The following NECTIN3 variants were observed in gnomAD, a reference collection of about 807,000 sequenced individuals.
NECTIN3 encodes nectin cell adhesion molecule 3.
In NECTIN3, 8 loss-of-function variants were observed where a neutral mutation model predicts 49.4. The ratio of observed to expected loss-of-function variants is 0.16; its 90% CI spans 0.10 to 0.29. The LOEUF (loss-of-function observed/expected upper bound fraction) is 0.29. NECTIN3 is among the 10% of genes least tolerant of loss of function. The pLI, the probability that NECTIN3 is intolerant of heterozygous loss-of-function variation, is 1.00. For missense variants in NECTIN3, 581 were observed against 654.6 expected (o/e 0.89, Z 1.23); for synonymous variants, 277 against 241.1 (o/e 1.15, Z -1.38).
At chr3:111,141,491 G>A (rs1392078519), downstream of NECTIN3, among the ~76,000 whole-genome samples, 5 of 151,656 alleles carry the variant, frequency 3.3e-5, no homozygotes, top group Non-Finnish European at 5.9e-5. Context: ...TAATATTTTT[G>A]TACTTTTTTC....
chr3:111,183,442 G>A (rs1477384196), intron 7 of NECTIN3, among the ~76,000 whole-genome samples: 1 of 151,964 alleles, frequency 6.6e-6, no homozygotes, highest in Non-Finnish European at 1.5e-5. Context: ...CTCTCAAGTA[G>A]CTGGGGTTAG....
upstream of NECTIN3, chr3:111,192,296 TTGA>T (rs1173078574): frequency 2.2e-5 from 31 of 1,420,434 alleles, no homozygotes; most frequent in Non-Finnish European, 3.0e-5. Context: ...ATCTTAGTGG[TTGA>T]TATGTTTTGC....
At chr3:111,079,328 T>C (rs1173554772) in intron 1 of NECTIN3, among the ~76,000 whole-genome samples, 1 of 152,034 alleles carries the variant, frequency 6.6e-6, no homozygotes, top group Non-Finnish European at 1.5e-5. Context: ...TCAAGCTTGT[T>C]TTTCATGTAA....
At chr3:111,080,968 G>A (rs1301885228) in intron 1 of NECTIN3, among the ~76,000 whole-genome samples, 2 of 151,880 alleles carry the variant, frequency 1.3e-5, no homozygotes, top group Non-Finnish European at 2.9e-5. Flanking sequence ...AGATAAAACA[G>A]GGTGGTTTTA....
intron 7 of NECTIN3, among the ~76,000 whole-genome samples, chr3:111,160,501 T>C (rs1051623154): frequency 2.0e-5 from 3 of 152,210 alleles, no homozygotes; most frequent in East Asian, 1.9e-4. Context: ...CCCAGTTGGA[T>C]TGGATTATCA....
rs1258438794 is a variant in NECTIN3 at position 111,087,269 on chromosome 3, C to CT, written c.160+15093dup. 3.9e-5 allele frequency among the ~76,000 whole-genome samples: 6 copies of CT among 152,238 alleles called. No homozygotes were observed. The East Asian group carries it at 1.2e-3, about 29-fold the overall frequency. ...ATCCAGTGTGATATTAAAGTGGTGA[C>CT]TACAAGCATTGTTACATGTGTAATC... On this transcript the variant is annotated intron_variant, in intron 1 of 5. Transcript: ENST00000485303.
At chr3:111,169,866 C>G (rs192303018) in intron 7 of NECTIN3, among the ~76,000 whole-genome samples, 4 of 152,280 alleles carry the variant, frequency 2.6e-5, no homozygotes, top group East Asian at 3.9e-4. Flanking sequence ...ATGGTTATTG[C>G]TAATAAATTT....
At chr3:111,171,103 TAAC>T (rs1228300756) in intron 7 of NECTIN3, among the ~76,000 whole-genome samples, 1 of 152,212 alleles carries the variant, frequency 6.6e-6, no homozygotes, top group Non-Finnish European at 1.5e-5. Context: ...GAAATTCTCA[TAAC>T]AACGTTGTGA....
At chr3:111,193,067 G>T in intron 1 of NECTIN3, 1 of 746,250 alleles carries the variant, frequency 1.3e-6, no homozygotes, top group Non-Finnish European at 2.1e-6. Flanking sequence ...ACTTTACCTT[G>T]CCATTCAATA....
chr3:111,163,856 C>T (rs924521657), intron 7 of NECTIN3, among the ~76,000 whole-genome samples: 2 of 150,634 alleles, frequency 1.3e-5, no homozygotes. Context: ...AGAGGATTTC[C>T]TAATTTTTAT....
At position 111,136,542 on chromosome 3, in the gene NECTIN3, G is replaced by A. The variant is rs1028839133; in HGVS notation, c.*2327G>A. The stretch of plus-strand genomic sequence containing the variant: ...GCACTGTTGTTTATTAGAACTTTAT[G>A]TATATTTACTGTACATAGAGACTTG... On this transcript the variant is annotated 3_prime_UTR_variant, in exon 6 of 6. Transcript: ENST00000485303. 1.0e-6 allele frequency: 1 copy of A among 959,084 alleles called. No individual in the cohort carries two copies. The allele number at this position is 959,084 out of a possible 1,614,324, so 59.4% of individuals were successfully genotyped here.
At chr3:111,147,449 C>G (rs1332952860) in exon 7 of NECTIN3, 3 of 1,532,332 alleles carry the variant, frequency 2.0e-6, no homozygotes, top group East Asian at 4.9e-5. Flanking sequence ...GTATGAAGAA[C>G]GATCCCCACC....
intron 5 of NECTIN3, 118 bp from the exon 6 acceptor site, chr3:111,133,517 A>G (rs1357921076): frequency 2.2e-6 from 3 of 1,360,754 alleles, no homozygotes; most frequent in South Asian, 3.1e-5. Context: ...ATGAAAAACT[A>G]TTGTTACTAT....
chr3:111,107,887 C>G (rs2033254981), intron 1 of NECTIN3, among the ~76,000 whole-genome samples: 1 of 152,090 alleles, frequency 6.6e-6, no homozygotes, highest in Admixed American at 6.6e-5. Context: ...GTATTAGATT[C>G]TTTTATTTGC....
intron 7 of NECTIN3, among the ~76,000 whole-genome samples, chr3:111,162,643 C>T (rs1451714032): frequency 1.3e-5 from 2 of 152,142 alleles, no homozygotes; most frequent in East Asian, 1.9e-4. Flanking sequence ...TTCACCAATT[C>T]ATTATATATA....
At chr3:111,073,702 A>G (rs1226237219) in intron 1 of NECTIN3, among the ~76,000 whole-genome samples, 1 of 152,228 alleles carries the variant, frequency 6.6e-6, no homozygotes, top group Non-Finnish European at 1.5e-5. Flanking sequence ...CCAGTTTACT[A>G]TCCTGACTTC....
intron 1 of NECTIN3, among the ~76,000 whole-genome samples, chr3:111,086,893 T>C (rs1250375223): frequency 3.3e-5 from 5 of 152,168 alleles, no homozygotes; most frequent in Non-Finnish European, 7.3e-5. Flanking sequence ...TTTCCTTAAA[T>C]AAAATCTTCT....
At chr3:111,147,931 G>A (rs1355265612) in intron 7 of NECTIN3, among the ~76,000 whole-genome samples, 4 of 152,030 alleles carry the variant, frequency 2.6e-5, no homozygotes, top group Admixed American at 6.6e-5. Context: ...ATCAGTTCAC[G>A]TTAATTCATG....
intron 1 of NECTIN3, among the ~76,000 whole-genome samples, chr3:111,083,330 T>C (rs927497013): frequency 2.0e-5 from 3 of 152,208 alleles, no homozygotes; most frequent in Non-Finnish European, 4.4e-5. Flanking sequence ...AATCCATATG[T>C]TGAGCTCGCA....
Sources: allele counts gnomAD v4.1 joint callset (sites outside exome capture counted in the v4.1 genomes callset), GRCh38; gene constraint gnomAD v4.1.1; transcripts MANE v1.5; gene names NCBI Gene and HGNC (gene_info 2026-07-23, HGNC 2026-07-21).